The following RGS6 variants were observed in gnomAD, a reference collection of about 807,000 sequenced individuals.
The protein encoded by RGS6 is regulator of G protein signaling 6, also known as regulator of G-protein signaling 6.
A neutral mutation model predicts 78.5 loss-of-function variants in RGS6; 30 were observed. The ratio of observed to expected loss-of-function variants is 0.38; its 90% CI spans 0.29 to 0.52. The LOEUF (loss-of-function observed/expected upper bound fraction) is 0.52. RGS6 is among the 20% of genes least tolerant of loss of function. RGS6 has a pLI of 0.85. For synonymous variants in RGS6, 206 were observed against 206.0 expected, an observed-to-expected ratio of 1.00 and a Z score of 0.00; for missense variants, 495 against 609.7, an observed-to-expected ratio of 0.81 and a Z score of 1.98.
chr14:72,259,347 T>C (rs1190520629), intron 2 of RGS6, among the ~76,000 whole-genome samples: 2 of 152,198 alleles, frequency 1.3e-5, no homozygotes, highest in Non-Finnish European at 2.9e-5. Flanking sequence ...ATTTCAGGTT[T>C]GCCACAGTCT....
intron 2 of RGS6, among the ~76,000 whole-genome samples, chr14:72,032,625 A>G (rs1350365053): frequency 6.6e-6 from 1 of 152,070 alleles, no homozygotes; most frequent in Non-Finnish European, 1.5e-5. Context: ...CTCCTCCAAC[A>G]CTTGGCACCC....
At chr14:72,425,404 G>T (rs1173472865) in intron 3 of RGS6, among the ~76,000 whole-genome samples, 1 of 152,160 alleles carries the variant, frequency 6.6e-6, no homozygotes, top group Non-Finnish European at 1.5e-5. Context: ...CTCCCAAAGT[G>T]CTGGGATTAT....
intron 3 of RGS6, among the ~76,000 whole-genome samples, chr14:72,438,293 T>C (rs1338958441): frequency 6.6e-6 from 1 of 151,950 alleles, no homozygotes; most frequent in Non-Finnish European, 1.5e-5. Context: ...GAGCCCCTCT[T>C]CTCTCTCTGC....
intron 2 of RGS6, among the ~76,000 whole-genome samples, chr14:72,271,839 C>A (rs1376498898): frequency 1.3e-5 from 2 of 152,098 alleles, no homozygotes; most frequent in African/African-American, 4.8e-5. Context: ...CTTCTAGAGG[C>A]CGCTGGCATT....
intron 2 of RGS6, among the ~76,000 whole-genome samples, chr14:72,133,037 G>A (rs2096361074): frequency 6.6e-6 from 1 of 152,250 alleles, no homozygotes; most frequent in Admixed American, 6.5e-5. Context: ...AATGCACTGG[G>A]ATGACTTCCT....
intron 2 of RGS6, among the ~76,000 whole-genome samples, chr14:72,250,942 T>C (rs1392924595): frequency 1.3e-5 from 2 of 152,070 alleles, no homozygotes; most frequent in Non-Finnish European, 2.9e-5. Context: ...GGCATACAAG[T>C]TTATTAATGT....
At chr14:71,875,189 C>T in the RGS6 span, among the ~76,000 whole-genome samples, 1 of 151,936 alleles carries the variant, frequency 6.6e-6, no homozygotes, top group South Asian at 2.1e-4. Flanking sequence ...CCCTCTTTTT[C>T]TATTGATTGG....
intron 2 of RGS6, among the ~76,000 whole-genome samples, chr14:71,985,936 T>G (rs2094693308): frequency 6.6e-6 from 1 of 152,260 alleles, no homozygotes; most frequent in Admixed American, 6.5e-5. Flanking sequence ...GCCTACAGTT[T>G]AACCATGGGG....
chr14:71,956,890 G>A (rs764099073), intron 1 of RGS6, among the ~76,000 whole-genome samples: 4 of 152,152 alleles, frequency 2.6e-5, no homozygotes, highest in Non-Finnish European at 5.9e-5. Flanking sequence ...AAGGTGAAGC[G>A]AAGGGTAGGA....
At chr14:72,292,542 A>T (rs914302227) in intron 2 of RGS6, among the ~76,000 whole-genome samples, 2 of 152,206 alleles carry the variant, frequency 1.3e-5, no homozygotes, top group Non-Finnish European at 2.9e-5. Context: ...TCTTTTCTCT[A>T]GTCTGTTAAA....
downstream of RGS6, among the ~76,000 whole-genome samples, chr14:72,566,945 A>T (rs7148786): frequency 6.6e-6 from 1 of 151,940 alleles, no homozygotes. Flanking sequence ...CTTCTTACAC[A>T]GAGTCTCGGT....
At chr14:72,574,194 G>A in the RGS6 span, among the ~76,000 whole-genome samples, 1 of 152,178 alleles carries the variant, frequency 6.6e-6, no homozygotes, top group Non-Finnish European at 1.5e-5. Context: ...ACTCATGGCT[G>A]CTCTCAGGAT....
At chr14:72,389,561 A>G (rs933210564) in intron 3 of RGS6, among the ~76,000 whole-genome samples, 15 of 152,188 alleles carry the variant, frequency 9.9e-5, no homozygotes, top group Non-Finnish European at 2.1e-4. Context: ...TCAAAGAGCA[A>G]GGTTCTGTTT....
intron 2 of RGS6, among the ~76,000 whole-genome samples, chr14:72,165,259 G>A (rs1224763361): frequency 2.0e-5 from 3 of 152,238 alleles, no homozygotes; most frequent in Admixed American, 6.5e-5. Context: ...CTTTACACCA[G>A]CCAGGGATGC....
chr14:72,369,264 A>G (rs780615156), intron 3 of RGS6, among the ~76,000 whole-genome samples: 64 of 152,220 alleles, frequency 4.2e-4, no homozygotes, highest in Non-Finnish European at 8.4e-4. Context: ...GGAGAAGGCC[A>G]TATGGCCTCA....
intron 17 of RGS6, among the ~76,000 whole-genome samples, chr14:72,552,032 C>T (rs1441019571): frequency 1.3e-5 from 2 of 152,222 alleles, no homozygotes; most frequent in Admixed American, 1.3e-4. Context: ...TTATTTGCAG[C>T]TCATACTTAG....
chr14:72,331,421 A>C (rs1009729846), intron 2 of RGS6, among the ~76,000 whole-genome samples: 6 of 152,188 alleles, frequency 3.9e-5, no homozygotes, highest in Admixed American at 3.3e-4. Context: ...CAGTATGGGA[A>C]TGCCCAACGA....
At chr14:71,880,818 G>A in the RGS6 span, among the ~76,000 whole-genome samples, 1 of 152,228 alleles carries the variant, frequency 6.6e-6, no homozygotes, top group Non-Finnish European at 1.5e-5. Context: ...AGTCCCCACT[G>A]GGGTGTTGCC....
intron 2 of RGS6, among the ~76,000 whole-genome samples, chr14:72,071,504 T>C (rs2094406727): frequency 6.6e-6 from 1 of 152,226 alleles, no homozygotes; most frequent in Admixed American, 6.5e-5. Context: ...TGTAACAAAT[T>C]ATGCTTCCAT....
Sources: gnomAD v4.1 joint callset for allele counts (sites outside exome capture counted in the v4.1 genomes callset) on GRCh38, gnomAD v4.1.1 for gene constraint, MANE v1.5 for transcripts, NCBI Gene and HGNC (gene_info 2026-07-23, HGNC 2026-07-21) for gene names.